SCN10A: variants seen among roughly 807,000 people sequenced by gnomAD.
SCN10A encodes sodium channel protein type 10 subunit alpha.
SCN10A carries 162 observed loss-of-function variants against 170.7 expected under a neutral mutation model. That is an observed-to-expected ratio of 0.95 (90% CI 0.84 to 1.08). The LOEUF (loss-of-function observed/expected upper bound fraction) is 1.08, where lower values mean the gene tolerates loss of function less well. Ranked by LOEUF, SCN10A falls within the 50% of genes least tolerant of loss-of-function variation. The probability of loss-of-function intolerance (pLI) is 0.00; values close to 1 mark genes in which losing one functional copy is unlikely to be tolerated. For missense variants in SCN10A, 2,527 were observed against 2,436.9 expected (o/e 1.04, Z -0.78); for synonymous variants, 985 against 904.6 (o/e 1.09, Z -1.59).
At position 38,710,844 on chromosome 3, in the gene SCN10A, C is replaced by T; in HGVS notation, c.4143G>A (p.Glu1381=). The T allele has an allele frequency of 6.2e-7, 1 of 1,613,450 alleles. No homozygotes were observed. Among genetic ancestry groups the T allele is most frequent in the Non-Finnish European group, 8.5e-7 (1 of 1,179,670 alleles). ...GTAGGGACAGTGGGCTGAGACTCAC[C>T]TCCCGGGAATCAACAGCTGCATACA... ...DIMYAAVDSR[E]VNMQPKWEDN... The change falls in exon 24 of 28, where the codon GAG becomes GAA. Residue 1381 remains glutamate (E), a splice_region_variant and synonymous_variant. Coordinates refer to ENST00000449082, the MANE Select transcript of SCN10A (RefSeq NM_006514.4).
At chr3:38,802,857 C>T (rs1259364515) in intron 1 of SCN10A, among the ~76,000 whole-genome samples, 3 of 152,092 alleles carry the variant, frequency 2.0e-5, no homozygotes, top group East Asian at 1.9e-4. Flanking sequence ...TCAGAGTGAA[C>T]AGGCAACCTA....
chr3:38,710,983 G>T, intron 23 of SCN10A, 86 bp from the exon 24 acceptor site: 2 of 1,150,252 alleles, frequency 1.7e-6, no homozygotes, highest in East Asian at 2.5e-5. Flanking sequence ...CAGTGAGAGA[G>T]GAGAGAGTCC....
Position 38,697,274 on chromosome 3 carries a change from T to C in SCN10A, c.*75A>G. Reference sequence around the variant, plus strand: ...TTGGTGAGGCTGTAGCTGGGTGTGATCTGCAATGGGAAAGAGTTAACACAG... The same window carrying C: ...TTGGTGAGGCTGTAGCTGGGTGTGACCTGCAATGGGAAAGAGTTAACACAG... On this transcript the variant is annotated 3_prime_UTR_variant, in exon 28 of 28. Coordinates refer to ENST00000449082, the MANE Select transcript of SCN10A (RefSeq NM_006514.4). 1 of 1,560,632 alleles carries C rather than the reference T, an allele frequency of 6.4e-7. No individual in the cohort carries two copies. The highest frequency in any genetic ancestry group is 1.2e-5 in the South Asian group (1 of 81,712).
At chr3:38,779,967 G>T (rs1041205551) in intron 4 of SCN10A, among the ~76,000 whole-genome samples, 4 of 151,696 alleles carry the variant, frequency 2.6e-5, no homozygotes, top group Admixed American at 2.6e-4. Flanking sequence ...AAAAGGAGGT[G>T]CATTTTCTAT....
intron 1 of SCN10A, among the ~76,000 whole-genome samples, chr3:38,808,251 C>T (rs76849951): frequency 6.4e-4 from 5 of 7,856 alleles, no homozygotes; most frequent in Admixed American, 4.6e-3. Flanking sequence ...ATGCTTTTTT[C>T]TCTCTCTCTC....
chr3:38,783,333 CT>C (rs2064161037), intron 4 of SCN10A, among the ~76,000 whole-genome samples: 1 of 152,114 alleles, frequency 6.6e-6, no homozygotes, highest in Non-Finnish European at 1.5e-5. Flanking sequence ...GGCCACTATT[CT>C]CCTAATTTTT....
At chr3:38,714,152 A>G in intron 21 of SCN10A, 72 bp from the exon 22 acceptor site, 2 of 1,578,732 alleles carry the variant, frequency 1.3e-6, no homozygotes, top group Non-Finnish European at 1.7e-6. Context: ...GGAGACAGGA[A>G]CTCCCTGCCC....
At chr3:38,713,703 G>GT (rs1025306031) in intron 22 of SCN10A, among the ~76,000 whole-genome samples, 5 of 151,470 alleles carry the variant, frequency 3.3e-5, no homozygotes, top group African/African-American at 1.2e-4. Context: ...TTTTTTGTTT[G>GT]TTTTTTGAGG....
intron 1 of SCN10A, among the ~76,000 whole-genome samples, chr3:38,812,675 T>G (rs2064448693): frequency 6.6e-6 from 1 of 152,126 alleles, no homozygotes; most frequent in Non-Finnish European, 1.5e-5. Flanking sequence ...TTGCTAGATG[T>G]TTCTGATTCT....
At chr3:38,716,519 A>G (rs2063335606) in intron 21 of SCN10A, among the ~76,000 whole-genome samples, 1 of 152,204 alleles carries the variant, frequency 6.6e-6, no homozygotes, top group Non-Finnish European at 1.5e-5. Context: ...AGCCATGTGA[A>G]GCTGTAAGTC....
chr3:38,752,295 G>GAACCCT lies in SCN10A; in HGVS notation c.1678_1679insAGGGTT (p.Pro560delinsGlnGlySer), dbSNP rs779911081. On this transcript the variant is annotated protein_altering_variant, in exon 12 of 28. Coordinates refer to ENST00000449082, the MANE Select transcript of SCN10A (RefSeq NM_006514.4). ...TTCATCTTCTCCATGCCTGGAGTCA[G>GAACCCT]GGTTGCTGGGTTGAGGAAGAGGGCT... 6.2e-7 allele frequency: 1 copy of GAACCCT among 1,607,640 alleles called. No homozygotes were observed. Among genetic ancestry groups the GAACCCT allele is most frequent in the Non-Finnish European group, 8.5e-7 (1 of 1,176,802 alleles).
intron 25 of SCN10A, among the ~76,000 whole-genome samples, chr3:38,708,204 A>T (rs2063230868): frequency 6.6e-6 from 1 of 152,138 alleles, no homozygotes. Context: ...GACCATCTTT[A>T]TGGGGGGAGA....
chr3:38,776,254 A>C (rs1013938670), intron 4 of SCN10A, among the ~76,000 whole-genome samples: 1 of 152,128 alleles, frequency 6.6e-6, no homozygotes, highest in African/African-American at 2.4e-5. Flanking sequence ...CTCATGACAA[A>C]CAGATTCATG....
chr3:38,750,119 G>A lies in SCN10A; in HGVS notation c.1821C>T (p.Ala607=). The part of the protein sequence containing the change: ...SAEYLDEPFR[A]QRAMSVVSII... ...TACTGACAACACTCATTGCCCTTTG[G>A]GCCCGGAAAGGTTCATCTAAGTATT... is the stretch of plus-strand genomic sequence containing the variant. Residue 607 remains alanine (A), a synonymous_variant, in exon 13 of 28, where the codon GCC becomes GCT. Coordinates refer to ENST00000449082, the MANE Select transcript of SCN10A (RefSeq NM_006514.4). 6.2e-7 allele frequency: 1 copy of A among 1,613,128 alleles called. No individual in the cohort carries two copies. Among genetic ancestry groups the A allele is most frequent in the Non-Finnish European group, 8.5e-7 (1 of 1,179,440 alleles).
chr3:38,725,385 C>CTTCAAAT, intron 17 of SCN10A, 71 bp from the exon 18 acceptor site: 1 of 1,432,422 alleles, frequency 7.0e-7, no homozygotes, highest in Non-Finnish European at 9.4e-7. Flanking sequence ...TTGAAGGGAT[C>CTTCAAAT]TTGCACATCA....
intron 1 of SCN10A, among the ~76,000 whole-genome samples, chr3:38,803,113 C>A (rs1036641985): frequency 2.0e-5 from 3 of 152,140 alleles, no homozygotes; most frequent in African/African-American, 7.2e-5. Flanking sequence ...TCATCTCATG[C>A]CAGTTAGAAT....
intron 4 of SCN10A, among the ~76,000 whole-genome samples, chr3:38,782,532 G>C (rs1335289228): frequency 1.3e-5 from 2 of 152,002 alleles, no homozygotes; most frequent in African/African-American, 4.8e-5. Context: ...GGCATTTTGA[G>C]AGGGTGGGGT....
At position 38,760,729 on chromosome 3, in the gene SCN10A, T is replaced by G. The variant is rs370912250; in HGVS notation, c.902A>C (p.Lys301Thr). Residue 301 changes from lysine to threonine, a missense_variant, in exon 8 of 28, where the codon AAG (lysine) becomes ACG (threonine). Coordinates refer to ENST00000449082, the MANE Select transcript of SCN10A (RefSeq NM_006514.4). Reference sequence around the variant, plus strand: ...CAGTAAGGGGTCAGAAGTGCCTCGCTTATTTATGTAGATATCTGCTGAAGA... The same window carrying G: ...CAGTAAGGGGTCAGAAGTGCCTCGCGTATTTATGTAGATATCTGCTGAAGA... Reference protein sequence around the residue: ...SHRKPDIYINKRGTSDPLLCG... With the variant: ...SHRKPDIYINTRGTSDPLLCG... The G allele has an allele frequency of 2.4e-5, 39 of 1,613,812 alleles. No homozygotes were observed. The highest frequency in any genetic ancestry group is 3.3e-5 in the Non-Finnish European group (39 of 1,179,796).
Position 38,713,982 on chromosome 3 carries a change from A to G in SCN10A, c.3780T>C (p.Ala1260=). 6.2e-7 allele frequency: 1 copy of G among 1,613,856 alleles called. No individual in the cohort carries two copies. Among genetic ancestry groups the G allele is most frequent in the East Asian group, 2.2e-5 (1 of 44,876 alleles). ...CCCGCATGCCTTCAAATCGAGAAAGAGCCCGCAGTGGCCGCAGAGCGCGAA... is the reference window on the plus strand; with the variant it reads ...CCCGCATGCCTTCAAATCGAGAAAGGGCCCGCAGTGGCCGCAGAGCGCGAA... ...RTLRALRPLR[A]LSRFEGMRVV... is the part of the protein sequence containing the mutation. Residue 1260 remains alanine, a synonymous_variant, in exon 22 of 28, where the codon GCT becomes GCC. Transcript: ENST00000449082.
Sources: gnomAD v4.1 joint callset for allele counts (sites outside exome capture counted in the v4.1 genomes callset) on GRCh38, gnomAD v4.1.1 for gene constraint, MANE v1.5 for transcripts, NCBI Gene and HGNC (gene_info 2026-07-23, HGNC 2026-07-21) for gene names.